The following KAZN variants were observed in gnomAD, a reference collection of about 807,000 sequenced individuals.
KAZN encodes kazrin.
KAZN carries 40 observed loss-of-function variants against 87.4 expected under a neutral mutation model. That is an observed-to-expected ratio of 0.46 (90% CI 0.36 to 0.60). KAZN has a LOEUF of 0.60. Ranked by LOEUF, KAZN falls within the 20% of genes least tolerant of loss-of-function variation. The probability of loss-of-function intolerance (pLI) is 0.00; values close to 1 mark genes in which losing one functional copy is unlikely to be tolerated. For missense variants in KAZN, 898 were observed against 1,073.9 expected (o/e 0.84, Z 2.29); for synonymous variants, 466 against 458.3 (o/e 1.02, Z -0.22).
intron 1 of KAZN, among the ~76,000 whole-genome samples, chr1:14,654,123 C>A (rs1167046422): frequency 6.6e-6 from 1 of 152,048 alleles, no homozygotes; most frequent in Non-Finnish European, 1.5e-5. Flanking sequence ...CCTGTCTCTA[C>A]CAAAAATACA....
intron 2 of KAZN, among the ~76,000 whole-genome samples, chr1:14,242,982 G>T (rs1256446076): frequency 4.6e-5 from 7 of 152,130 alleles, no homozygotes; most frequent in Admixed American, 4.6e-4. Context: ...TGATGATTTC[G>T]AATGAAAATG....
In KAZN at chr1:14,875,177, C is replaced by G. The variant is rs144104668; in HGVS notation, c.227-85507C>G. On this transcript the variant is annotated intron_variant, in intron 1 of 14. Transcript: ENST00000376030. ...AGAAACCCCGTCTCTACTAAAAATA[C>G]AAAATTATCCCGGCATGATGGTGCA... 1.4e-4 allele frequency among the ~76,000 whole-genome samples: 21 copies of G among 151,862 alleles called. No homozygotes were observed. In the East Asian group the frequency reaches 3.9e-3, roughly 28 times the overall value.
chr1:14,498,697 A>C (rs992959498), intron 2 of KAZN, among the ~76,000 whole-genome samples: 7 of 151,836 alleles, frequency 4.6e-5, no homozygotes, highest in African/African-American at 1.5e-4. Flanking sequence ...GTCTCAAAAT[A>C]AAAAAAATAA....
intron 2 of KAZN, among the ~76,000 whole-genome samples, chr1:14,379,187 C>T (rs1480660750): frequency 6.6e-6 from 1 of 151,122 alleles, no homozygotes; most frequent in African/African-American, 2.4e-5. Flanking sequence ...CTCGTAGGAC[C>T]CATCACCTGC....
intron 2 of KAZN, among the ~76,000 whole-genome samples, chr1:14,992,075 C>T (rs987072818): frequency 6.6e-6 from 1 of 152,070 alleles, no homozygotes; most frequent in African/African-American, 2.4e-5. Context: ...ATGGCTCTGC[C>T]CAGCATGACA....
intron 1 of KAZN, among the ~76,000 whole-genome samples, chr1:14,710,589 G>A (rs1642432313): frequency 6.6e-6 from 1 of 152,152 alleles, no homozygotes; most frequent in Admixed American, 6.5e-5. Flanking sequence ...TGCACTAGCT[G>A]TTCCATCTTT....
intron 1 of KAZN, among the ~76,000 whole-genome samples, chr1:13,913,535 G>T (rs986182931): frequency 6.6e-6 from 1 of 152,148 alleles, no homozygotes; most frequent in Non-Finnish European, 1.5e-5. Context: ...GACTGATTGT[G>T]CAGCTCCATT....
At chr1:14,474,546 T>C (rs1668618913) in intron 2 of KAZN, among the ~76,000 whole-genome samples, 1 of 152,232 alleles carries the variant, frequency 6.6e-6, no homozygotes, top group Non-Finnish European at 1.5e-5. Flanking sequence ...ATAGCTGGCA[T>C]AGCATGAGCC....
chr1:15,096,219 TC>T lies in KAZN; in HGVS notation c.1547+1287del, dbSNP rs1640799480. On this transcript the variant is annotated intron_variant, in intron 10 of 14. Coordinates refer to ENST00000376030, the MANE Select transcript of KAZN (RefSeq NM_201628.3). This position sits in a 1 kb window ranked among gnomAD's most constrained non-coding sequence, Gnocchi z 4.5. ...CAGGGTCCATAAACACTGCCTGTGT[TC>T]AATGAACAGGGTGGGGATGACTGCT... Among the ~76,000 whole-genome samples, 1 of 152,194 alleles carries T rather than the reference TC, an allele frequency of 6.6e-6. No individual in the cohort carries two copies. Among genetic ancestry groups the T allele is most frequent in the African/African-American group, 2.4e-5 (1 of 41,464 alleles).
At chr1:14,602,282 G>A (rs1021248889) in intron 1 of KAZN, among the ~76,000 whole-genome samples, 11 of 152,140 alleles carry the variant, frequency 7.2e-5, no homozygotes, top group South Asian at 2.1e-4. Flanking sequence ...ATATTCTTTC[G>A]GAATCTGTGT....
intron 1 of KAZN, among the ~76,000 whole-genome samples, chr1:13,974,260 T>C (rs1396272552): frequency 2.0e-5 from 3 of 152,214 alleles, no homozygotes; most frequent in Non-Finnish European, 4.4e-5. Context: ...ATAAACCACA[T>C]TGTACAAACA....
chr1:15,028,294 T>C (rs985239031), intron 2 of KAZN, among the ~76,000 whole-genome samples: 1 of 152,240 alleles, frequency 6.6e-6, no homozygotes, highest in African/African-American at 2.4e-5. Flanking sequence ...CCAGTCACCA[T>C]GGCAGTGGTT....
At chr1:13,901,038 C>A (rs1317453853) in intron 1 of KAZN, among the ~76,000 whole-genome samples, 5 of 76,146 alleles carry the variant, frequency 6.6e-5, no homozygotes, top group African/African-American at 1.6e-4. Context: ...CTTGGCTAAT[C>A]ATTGAAAAAA....
chr1:14,578,162 T>C (rs1675309133), intron 2 of KAZN, among the ~76,000 whole-genome samples: 1 of 152,120 alleles, frequency 6.6e-6, no homozygotes, highest in Non-Finnish European at 1.5e-5. Flanking sequence ...TATCGGGTCA[T>C]ATCCAAAATT....
At chr1:14,597,503 C>T (rs1354007400), upstream of KAZN, among the ~76,000 whole-genome samples, 1 of 152,168 alleles carries the variant, frequency 6.6e-6, no homozygotes, top group Non-Finnish European at 1.5e-5. Flanking sequence ...TATGCAGAGC[C>T]TCAGTTTCCT....
rs934720451 is a variant in KAZN at position 15,099,585 on chromosome 1, C to G, written c.1548-1958C>G. Among the ~76,000 whole-genome samples, 1 of 152,092 alleles carries G rather than the reference C, an allele frequency of 6.6e-6. No homozygotes were observed. Among genetic ancestry groups the G allele is most frequent in the African/African-American group, 2.4e-5 (1 of 41,396 alleles). ...GCTCAGTGCCTCCAGGAAACGGCCC[C>G]CAGGACCCCAAGCCCCATGTGCGTT... is the stretch of plus-strand genomic sequence containing the variant. On this transcript the variant is annotated intron_variant, in intron 10 of 14. Transcript: ENST00000376030. The surrounding 1 kb of genome is among the most constrained non-coding windows in gnomAD (Gnocchi z 5.4).
At chr1:14,587,605 G>T (rs567541821) in intron 2 of KAZN, among the ~76,000 whole-genome samples, 1 of 151,954 alleles carries the variant, frequency 6.6e-6, no homozygotes, top group South Asian at 2.1e-4. Context: ...TGAGAGTGGG[G>T]GGCGGGTGAG....
intron 2 of KAZN, among the ~76,000 whole-genome samples, chr1:14,434,951 G>T (rs1666293959): frequency 6.6e-6 from 1 of 152,118 alleles, no homozygotes; most frequent in Non-Finnish European, 1.5e-5. Context: ...TGTGCAAAGA[G>T]GTCTCATCCT....
intron 2 of KAZN, among the ~76,000 whole-genome samples, chr1:14,375,235 A>T (rs1490906388): frequency 6.6e-6 from 1 of 152,210 alleles, no homozygotes; most frequent in East Asian, 1.9e-4. Flanking sequence ...CACTTCAGAA[A>T]GAGTGCAGGA....
Sources: allele counts gnomAD v4.1 joint callset (sites outside exome capture counted in the v4.1 genomes callset), GRCh38; gene constraint gnomAD v4.1.1; non-coding constraint Gnocchi (gnomAD v3.1); transcripts MANE v1.5; gene names NCBI Gene and HGNC (gene_info 2026-07-23, HGNC 2026-07-21).